The following DOCK1 variants were observed in gnomAD, a reference collection of about 807,000 sequenced individuals.
The protein encoded by DOCK1 is dedicator of cytokinesis protein 1.
Under a neutral mutation model 262.7 loss-of-function variants are expected in DOCK1, and 138 were observed. The ratio of observed to expected loss-of-function variants is 0.53; its 90% CI spans 0.46 to 0.61. DOCK1 has a LOEUF of 0.61. DOCK1 is among the 20% of genes least tolerant of loss of function. The pLI, the probability that DOCK1 is intolerant of heterozygous loss-of-function variation, is 0.00. For missense variants in DOCK1, 1,908 were observed against 2,370.7 expected (o/e 0.80, Z 4.05); for synonymous variants, 866 against 867.4 (o/e 1.00, Z 0.03).
chr10:127,214,860 T>C (rs2058135845), intron 27 of DOCK1, among the ~76,000 whole-genome samples: 2 of 152,200 alleles, frequency 1.3e-5, no homozygotes, highest in South Asian at 4.1e-4. Context: ...CCTCCTCTTG[T>C]CCTAACCCAG....
At chr10:127,043,893 G>T (rs1049017196) in intron 21 of DOCK1, among the ~76,000 whole-genome samples, 3 of 152,174 alleles carry the variant, frequency 2.0e-5, no homozygotes, top group Non-Finnish European at 4.4e-5. Flanking sequence ...TTGTAGGCTT[G>T]TGTGGAAATT....
At chr10:127,158,442 C>T (rs1403160722) in intron 27 of DOCK1, among the ~76,000 whole-genome samples, 1 of 152,192 alleles carries the variant, frequency 6.6e-6, no homozygotes, top group Non-Finnish European at 1.5e-5. Flanking sequence ...TTCTGTCTTG[C>T]AGATTAATTG....
chr10:127,098,161 C>T (rs1377957344), intron 23 of DOCK1, among the ~76,000 whole-genome samples: 1 of 152,236 alleles, frequency 6.6e-6, no homozygotes, highest in Non-Finnish European at 1.5e-5. Flanking sequence ...AACAGCTTTG[C>T]ACATTCTGAG....
chr10:127,090,134 T>G (rs897537136), intron 23 of DOCK1, among the ~76,000 whole-genome samples: 1 of 151,910 alleles, frequency 6.6e-6, no homozygotes, highest in African/African-American at 2.4e-5. Context: ...CTTCCTGGGA[T>G]TTTTTTTCCT....
chr10:127,280,130 G>C (rs942473325), intron 29 of DOCK1, among the ~76,000 whole-genome samples: 7 of 149,980 alleles, frequency 4.7e-5, no homozygotes, highest in Middle Eastern at 3.2e-3. Flanking sequence ...CGCCTCCCGG[G>C]TTCACGCCAT....
intron 15 of DOCK1, chr10:127,026,066 A>AAAAAAAAAAG (rs1336749571): frequency 6.7e-6 from 2 of 297,668 alleles, no homozygotes; most frequent in Non-Finnish European, 1.2e-5. Context: ...TATCAAAAAA[A>AAAAAAAAAAG]AAAAAAGAAA....
At chr10:127,357,074 C>G (rs1309630460) in intron 32 of DOCK1, among the ~76,000 whole-genome samples, 1 of 152,014 alleles carries the variant, frequency 6.6e-6, no homozygotes, top group African/African-American at 2.4e-5. Context: ...CAACTGCAGC[C>G]ACCATTTGAC....
intron 27 of DOCK1, among the ~76,000 whole-genome samples, chr10:127,164,246 C>T (rs1218048639): frequency 5.5e-5 from 7 of 128,178 alleles, no homozygotes; most frequent in Non-Finnish European, 9.5e-5. Flanking sequence ...TGCAGAGGTG[C>T]GATCTGGGCT....
intron 32 of DOCK1, 141 bp downstream of exon 32, chr10:127,354,868 T>C: frequency 8.9e-6 from 9 of 1,016,012 alleles, no homozygotes; most frequent in African/African-American, 1.6e-5. Context: ...CTCTTTGTAG[T>C]AACTGTTTTC....
At chr10:127,252,079 T>C (rs1309650374) in intron 28 of DOCK1, among the ~76,000 whole-genome samples, 1 of 150,462 alleles carries the variant, frequency 6.6e-6, no homozygotes, top group Non-Finnish European at 1.5e-5. Context: ...ATTGCCATTC[T>C]AACTGGTGTG....
At chr10:127,306,267 G>A (rs2061872465) in intron 29 of DOCK1, among the ~76,000 whole-genome samples, 1 of 152,110 alleles carries the variant, frequency 6.6e-6, no homozygotes, top group African/African-American at 2.4e-5. Flanking sequence ...CGCCTGCCTT[G>A]GCCTTCCAGA....
chr10:127,233,794 A>G (rs947071543), intron 27 of DOCK1, among the ~76,000 whole-genome samples: 33 of 152,362 alleles, frequency 2.2e-4, no homozygotes, highest in Middle Eastern at 3.4e-3. Flanking sequence ...GTTTAATTTT[A>G]TTATAGTTTG....
chr10:127,255,166 G>A (rs1199214100), intron 28 of DOCK1, among the ~76,000 whole-genome samples: 2 of 152,150 alleles, frequency 1.3e-5, no homozygotes, highest in African/African-American at 2.4e-5. Flanking sequence ...TTGGGAGGCC[G>A]AGGCAGGAGG....
chr10:127,193,245 C>T lies in DOCK1; in HGVS notation c.2848-54763C>T, dbSNP rs77895304. 3.9e-5 allele frequency among the ~76,000 whole-genome samples: 6 copies of T among 152,190 alleles called. No homozygotes were observed. In the South Asian group the frequency reaches 8.3e-4, roughly 21 times the overall value. On this transcript the variant is annotated intron_variant, in intron 27 of 51. Coordinates refer to ENST00000623213, the MANE Select transcript of DOCK1 (RefSeq NM_001290223.2). ...ATTTATGAAAGACTGTTGAAAATGA[C>T]GATGACACTGGTTTTATCTGGGGAG...
chr10:127,102,442 G>A (rs900627665), intron 23 of DOCK1, among the ~76,000 whole-genome samples: 15 of 152,196 alleles, frequency 9.9e-5, no homozygotes, highest in African/African-American at 3.6e-4. Context: ...CTGTGCACCA[G>A]AGTTGAGACA....
At chr10:127,188,439 T>G (rs1281061359) in intron 27 of DOCK1, among the ~76,000 whole-genome samples, 1 of 152,224 alleles carries the variant, frequency 6.6e-6, no homozygotes, top group Admixed American at 6.5e-5. Context: ...TTCTGTTCCC[T>G]TCTAGAAATT....
rs2044120720 is a variant in DOCK1 at position 127,042,994 on chromosome 10, G to T, written c.2101-70G>T. On this transcript the variant is annotated intron_variant, in intron 20 of 51. Transcript: ENST00000623213. ...CATATCCTAACACAGGGGTGCAGATGGTTCTGATGAAGATTATAAAATGGC... is the reference window on the plus strand; with the variant it reads ...CATATCCTAACACAGGGGTGCAGATTGTTCTGATGAAGATTATAAAATGGC... The T allele has an allele frequency of 9.7e-6, 12 of 1,232,082 alleles. No individual in the cohort carries two copies. The South Asian group carries it at 1.6e-4, about 17-fold the overall frequency. 76.3% of individuals were successfully genotyped at this position (1,232,082 alleles called of 1,614,324 possible). A position where few individuals can be genotyped will look rare whatever the true frequency, so the allele number is the denominator to read the frequency against.
At chr10:126,941,348 T>C (rs1214777395) in intron 1 of DOCK1, among the ~76,000 whole-genome samples, 1 of 152,186 alleles carries the variant, frequency 6.6e-6, no homozygotes, top group Non-Finnish European at 1.5e-5. Context: ...ATAGATTGCA[T>C]TACCTAAATT....
chr10:126,971,404 G>T (rs1323255241), intron 2 of DOCK1, among the ~76,000 whole-genome samples: 1 of 152,016 alleles, frequency 6.6e-6, no homozygotes, highest in Non-Finnish European at 1.5e-5. Flanking sequence ...TAAAAAATAG[G>T]TTTAAGATAG....
Sources: gnomAD v4.1 joint callset for allele counts (sites outside exome capture counted in the v4.1 genomes callset) on GRCh38, gnomAD v4.1.1 for gene constraint, MANE v1.5 for transcripts, NCBI Gene and HGNC (gene_info 2026-07-23, HGNC 2026-07-21) for gene names.